Variants in GPR84 observed in about 807,000 individuals in gnomAD.
The protein encoded by GPR84 is G-protein coupled receptor 84.
Under a neutral mutation model 14.9 loss-of-function variants are expected in GPR84, and 8 were observed. That is an observed-to-expected ratio of 0.54 (90% CI 0.31 to 0.97). GPR84 has a LOEUF of 0.97. Among genes scored for constraint, GPR84 ranks in the 50% least tolerant of loss-of-function variants. The pLI, the probability that GPR84 is intolerant of heterozygous loss-of-function variation, is 0.04. For synonymous variants in GPR84, 164 were observed against 198.1 expected (o/e 0.83, Z 1.45); for missense variants, 424 against 498.7 (o/e 0.85, Z 1.43).
the GPR84 span, among the ~76,000 whole-genome samples, chr12:54,356,924 G>C: frequency 6.6e-6 from 1 of 152,190 alleles, no homozygotes; most frequent in African/African-American, 2.4e-5. Context: ...GGTGGAGGGG[G>C]GTGGTGTGGG....
Position 54,363,504 on chromosome 12 carries a change from C to T in GPR84, c.348G>A (p.Leu116=). Residue 116 remains leucine, a synonymous_variant, in exon 2 of 2, where the codon CTG becomes CTA. Coordinates refer to ENST00000267015, the MANE Select transcript of GPR84 (RefSeq NM_020370.3). ...VSILTLCLIA[L]GRYLLIAHPK... is the part of the protein sequence containing the mutation. ...GGTGGGCAATGAGGAGGTAGCGTCC[C>T]AGTGCGATGAGGCAGAGGGTCAGGA... 1 of 1,614,028 alleles carries T rather than the reference C, an allele frequency of 6.2e-7. No individual in the cohort carries two copies. The highest frequency in any genetic ancestry group is 1.1e-5 in the South Asian group (1 of 91,072).
the GPR84 span, among the ~76,000 whole-genome samples, chr12:54,355,384 G>C: frequency 6.6e-6 from 1 of 151,658 alleles, no homozygotes; most frequent in Admixed American, 6.6e-5. Flanking sequence ...GGGGTCTGCG[G>C]TATGGATAGG....
the GPR84 span, chr12:54,351,378 C>T: frequency 6.6e-6 from 1 of 152,150 alleles, no homozygotes; most frequent in Admixed American, 6.6e-5. Flanking sequence ...AGGAGTGGAA[C>T]TTATGACTTG....
At chr12:54,359,392 C>T (rs934682666), downstream of GPR84, among the ~76,000 whole-genome samples, 20 of 122,988 alleles carry the variant, frequency 1.6e-4, no homozygotes, top group Non-Finnish European at 2.5e-4. Flanking sequence ...TGCGAACGAG[C>T]AAGAACAGCC....
downstream of GPR84, among the ~76,000 whole-genome samples, chr12:54,358,185 C>T (rs763598323): frequency 6.6e-6 from 1 of 152,120 alleles, no homozygotes; most frequent in East Asian, 1.9e-4. Context: ...CCACCCTGGA[C>T]TCATAAATTT....
At chr12:54,356,993 TC>T in the GPR84 span, among the ~76,000 whole-genome samples, 2 of 152,066 alleles carry the variant, frequency 1.3e-5, no homozygotes, top group Non-Finnish European at 2.9e-5. Context: ...TTTTCCTCAG[TC>T]CCCCTTCCCC....
downstream of GPR84, among the ~76,000 whole-genome samples, chr12:54,361,431 C>T (rs969224356): frequency 1.3e-5 from 2 of 152,094 alleles, no homozygotes; most frequent in Non-Finnish European, 2.9e-5. This position sits in a 1 kb window ranked among gnomAD's most constrained non-coding sequence, Gnocchi z 4.3. Flanking sequence ...AGTGCAATGG[C>T]GTGATCTCGG....
chr12:54,354,921 A>T, the GPR84 span, among the ~76,000 whole-genome samples: 2 of 151,664 alleles, frequency 1.3e-5, no homozygotes, highest in Non-Finnish European at 2.9e-5. Flanking sequence ...TCTCCTTTCC[A>T]TCTATTCTTG....
chr12:54,362,340 GAT>G, downstream of GPR84: 1 of 225,032 alleles, frequency 4.4e-6, no homozygotes, highest in Non-Finnish European at 8.8e-6. The surrounding 1 kb of genome is among the most constrained non-coding windows in gnomAD (Gnocchi z 4.0). Flanking sequence ...ATGGTGACAG[GAT>G]TTCGTCATGC....
chr12:54,359,913 CCTTCTGTGT>C (rs1254039142), downstream of GPR84, among the ~76,000 whole-genome samples: 1 of 151,294 alleles, frequency 6.6e-6, no homozygotes, highest in African/African-American at 2.5e-5. Context: ...CCCAGGATTT[CCTTCTGTGT>C]CTCCTGAGTT....
At chr12:54,353,368 C>T in the GPR84 span, among the ~76,000 whole-genome samples, 1 of 151,810 alleles carries the variant, frequency 6.6e-6, no homozygotes, top group South Asian at 2.1e-4. Flanking sequence ...TCCCCTTTGG[C>T]TGGGAAAGTG....
At chr12:54,356,435 A>G in the GPR84 span, among the ~76,000 whole-genome samples, 6,072 of 152,234 alleles carry the variant, frequency 0.04, 406 homozygotes, top group African/African-American at 0.14. Flanking sequence ...GAGAGGGAAC[A>G]GTATGATCCA....
At chr12:54,358,301 T>C (rs1003105912), downstream of GPR84, among the ~76,000 whole-genome samples, 3 of 152,080 alleles carry the variant, frequency 2.0e-5, no homozygotes, top group Non-Finnish European at 4.4e-5. Flanking sequence ...GACTCGTCTG[T>C]CCCCTTGCAG....
the GPR84 span, chr12:54,351,247 C>T: frequency 9.2e-5 from 14 of 152,282 alleles, no homozygotes; most frequent in African/African-American, 3.1e-4. Flanking sequence ...AACTGTCCAC[C>T]CTTACTACCT....
the GPR84 span, among the ~76,000 whole-genome samples, chr12:54,356,590 C>T: frequency 6.6e-6 from 1 of 152,162 alleles, no homozygotes; most frequent in African/African-American, 2.4e-5. Flanking sequence ...TCTTTCATGC[C>T]CCTTCCAGCC....
At chr12:54,359,357 A>C (rs1954244395), downstream of GPR84, among the ~76,000 whole-genome samples, 1 of 151,902 alleles carries the variant, frequency 6.6e-6, no homozygotes, top group South Asian at 2.1e-4. Context: ...ATCTGCCTGT[A>C]AGAGACAGCG....
At chr12:54,351,912 C>T in the GPR84 span, 1 of 152,200 alleles carries the variant, frequency 6.6e-6, no homozygotes, top group Non-Finnish European at 1.5e-5. Context: ...TTCCTCCAGC[C>T]CCCCGTCATT....
chr12:54,362,930 G>T lies in GPR84; in HGVS notation c.922C>A (p.Pro308Thr). Residue 308 changes from proline to threonine, a missense_variant, in exon 2 of 2, where the codon CCG becomes ACG. Physicochemically the swap from Pro to Thr is conservative, Grantham distance 38. Transcript: ENST00000267015. This position sits in a 1 kb window ranked among gnomAD's most constrained non-coding sequence, Gnocchi z 4.0. ...AQPIKGARRA[P>T]DSSSEFGKVT... The stretch of plus-strand genomic sequence containing the variant: ...TTCCCAAATTCCGATGAAGAATCCG[G>T]AGCTCTTCTGGCTCCTTTAATTGGC... 1 of 1,614,218 alleles carries T rather than the reference G, an allele frequency of 6.2e-7. No individual in the cohort carries two copies. Among genetic ancestry groups the T allele is most frequent in the Non-Finnish European group, 8.5e-7 (1 of 1,180,042 alleles).
At chr12:54,360,013 A>C (rs368457878), downstream of GPR84, among the ~76,000 whole-genome samples, 70 of 150,902 alleles carry the variant, frequency 4.6e-4, 1 homozygote, top group South Asian at 0.014. Flanking sequence ...TCACCTTTCT[A>C]CTTGACACCG....
Sources: gnomAD v4.1 joint callset for allele counts (sites outside exome capture counted in the v4.1 genomes callset) on GRCh38, gnomAD v4.1.1 for gene constraint, Gnocchi (gnomAD v3.1) non-coding constraint, MANE v1.5 for transcripts, NCBI Gene and HGNC (gene_info 2026-07-23, HGNC 2026-07-21) for gene names.